Variants in COG5 observed in about 807,000 individuals in gnomAD.
COG5 encodes conserved oligomeric Golgi complex subunit 5.
In COG5, 86 loss-of-function variants were observed where a neutral mutation model predicts 110.4. That is an observed-to-expected ratio of 0.78 (90% CI 0.65 to 0.93). COG5 has a LOEUF of 0.93. COG5 is among the 40% of genes least tolerant of loss of function. The probability of loss-of-function intolerance (pLI) is 0.00; values close to 1 mark genes in which losing one functional copy is unlikely to be tolerated. For synonymous variants in COG5, 360 were observed against 334.6 expected, an observed-to-expected ratio of 1.08 and a Z score of -0.83; for missense variants, 1,077 against 987.0, an observed-to-expected ratio of 1.09 and a Z score of -1.22.
At chr7:107,247,335 T>G (rs988182564) in intron 17 of COG5, among the ~76,000 whole-genome samples, 1 of 152,186 alleles carries the variant, frequency 6.6e-6, no homozygotes, top group Admixed American at 6.5e-5. Flanking sequence ...TGTTTACCTA[T>G]GTAACAACCC....
chr7:107,389,188 T>A (rs1790439528), intron 7 of COG5, among the ~76,000 whole-genome samples: 1 of 152,114 alleles, frequency 6.6e-6, no homozygotes, highest in Admixed American at 6.5e-5. Flanking sequence ...CGTGACTGCT[T>A]GGCTAGGAGG....
intron 6 of COG5, among the ~76,000 whole-genome samples, chr7:107,523,305 G>T (rs896283398): frequency 2.6e-5 from 4 of 151,332 alleles, no homozygotes; most frequent in Non-Finnish European, 5.9e-5. Flanking sequence ...ATTTCCAATT[G>T]CTTGTTGCTA....
At chr7:107,386,900 A>T (rs1181731389) in intron 7 of COG5, among the ~76,000 whole-genome samples, 3 of 152,062 alleles carry the variant, frequency 2.0e-5, no homozygotes, top group Non-Finnish European at 4.4e-5. Context: ...AAGGAGGAGG[A>T]AAGTCACCTG....
chr7:107,228,812 G>A (rs1453459936), intron 19 of COG5, among the ~76,000 whole-genome samples: 2 of 150,734 alleles, frequency 1.3e-5, no homozygotes, highest in Non-Finnish European at 2.9e-5. Context: ...TTACAAACAG[G>A]CGAGGTAAAA....
At chr7:107,481,220 A>C (rs1797321710) in intron 6 of COG5, among the ~76,000 whole-genome samples, 1 of 152,158 alleles carries the variant, frequency 6.6e-6, no homozygotes, top group Non-Finnish European at 1.5e-5. Flanking sequence ...CAGAGGTATT[A>C]AGCAAGGCAG....
chr7:107,206,168 G>A lies in COG5; in HGVS notation c.2376-2538C>T, dbSNP rs1584519235. On this transcript the variant is annotated intron_variant, in intron 21 of 21. Coordinates refer to ENST00000297135, the MANE Select transcript of COG5 (RefSeq NM_006348.5). Reference sequence around the variant, plus strand: ...AGTAGAGACGGGGTTTCACCGTGTTGGCCAGGATGGTCTCGATCTCTTGAC... The same window carrying A: ...AGTAGAGACGGGGTTTCACCGTGTTAGCCAGGATGGTCTCGATCTCTTGAC... 5.9e-5 allele frequency among the ~76,000 whole-genome samples: 9 copies of A among 152,162 alleles called. No individual in the cohort carries two copies. In the South Asian group the frequency reaches 1.9e-3, roughly 32 times the overall value.
At chr7:107,508,021 G>A (rs1799160283) in intron 6 of COG5, among the ~76,000 whole-genome samples, 1 of 152,112 alleles carries the variant, frequency 6.6e-6, no homozygotes, top group Non-Finnish European at 1.5e-5. Flanking sequence ...GAGAGTGCCA[G>A]ACAGTGGGTG....
chr7:107,235,019 T>C (rs1320730944), intron 18 of COG5, among the ~76,000 whole-genome samples: 2 of 152,352 alleles, frequency 1.3e-5, no homozygotes, highest in Non-Finnish European at 2.9e-5. Context: ...CTGTGGCTAC[T>C]ACAAGCATAT....
rs551416599 is a variant in COG5 at position 107,376,318 on chromosome 7, A to G, written c.670-3558T>C. ...GCTTGACAAATGTCCTTTTTTTAAA[A>G]AAGTTTTCAGGTATTGTTTGAGATT... On this transcript the variant is annotated intron_variant, in intron 7 of 21. Coordinates refer to ENST00000297135, the MANE Select transcript of COG5 (RefSeq NM_006348.5). Among the ~76,000 whole-genome samples, 60 of 152,092 alleles carry G rather than the reference A, an allele frequency of 3.9e-4. 1 individual carries two copies. The South Asian group carries it at 0.011, about 28-fold the overall frequency.
chr7:107,437,397 T>C (rs535583734), intron 6 of COG5, among the ~76,000 whole-genome samples: 3 of 152,302 alleles, frequency 2.0e-5, no homozygotes, highest in African/African-American at 4.8e-5. Context: ...GGTTTAGGCA[T>C]CTTAGGTTAA....
intron 17 of COG5, among the ~76,000 whole-genome samples, 158 bp downstream of exon 17, chr7:107,248,238 G>A (rs1456336647): frequency 6.6e-6 from 1 of 151,872 alleles, no homozygotes; most frequent in Non-Finnish European, 1.5e-5. Flanking sequence ...TCTGTGAATG[G>A]CGCTCACAAT....
chr7:107,331,133 C>A (rs1042219312), intron 10 of COG5, among the ~76,000 whole-genome samples: 3 of 151,960 alleles, frequency 2.0e-5, no homozygotes, highest in African/African-American at 7.2e-5. Flanking sequence ...AATAGTGAAC[C>A]GCTTGAGAGT....
At chr7:107,545,744 C>T (rs1270305492) in intron 5 of COG5, among the ~76,000 whole-genome samples, 4 of 133,620 alleles carry the variant, frequency 3.0e-5, no homozygotes, top group Non-Finnish European at 6.1e-5. Context: ...CAGGCCATTG[C>T]ACTCCACCCT....
chr7:107,377,949 T>C (rs568394702), intron 7 of COG5, among the ~76,000 whole-genome samples: 1 of 152,284 alleles, frequency 6.6e-6, no homozygotes, highest in East Asian at 1.9e-4. Context: ...TCAAGTAGGT[T>C]CCTGACCACA....
chr7:107,434,913 T>C (rs541605361), intron 6 of COG5, among the ~76,000 whole-genome samples: 10 of 150,752 alleles, frequency 6.6e-5, no homozygotes, highest in Admixed American at 2.0e-4. Context: ...GAGATTGCAG[T>C]GAGCTGAGAT....
intron 6 of COG5, among the ~76,000 whole-genome samples, chr7:107,441,255 CAAAAAAAAA>C (rs551026030): frequency 1.4e-5 from 1 of 71,330 alleles, no homozygotes; most frequent in Non-Finnish European, 2.6e-5. Context: ...GACTCCGTCT[CAAAAAAAAA>C]AAAAAAAAAA....
At chr7:107,400,971 GA>G (rs1450724363) in intron 7 of COG5, among the ~76,000 whole-genome samples, 1 of 152,108 alleles carries the variant, frequency 6.6e-6, no homozygotes, top group African/African-American at 2.4e-5. Context: ...AAGAAAAGAT[GA>G]AAGTATCTGC....
chr7:107,501,305 C>T (rs930023156), intron 6 of COG5, among the ~76,000 whole-genome samples: 3 of 151,872 alleles, frequency 2.0e-5, no homozygotes, highest in Non-Finnish European at 4.4e-5. Flanking sequence ...AAGAAAATCC[C>T]TTAGAACCAA....
At position 107,548,124 on chromosome 7, in the gene COG5, A is replaced by G; in HGVS notation, c.404T>C (p.Leu135Pro). 6.2e-7 allele frequency: 1 copy of G among 1,613,526 alleles called. No individual in the cohort carries two copies. Among genetic ancestry groups the G allele is most frequent in the Non-Finnish European group, 8.5e-7 (1 of 1,179,542 alleles). Residue 135 changes from leucine to proline, a missense_variant, in exon 5 of 22, where the codon CTA (leucine) becomes CCA (proline). By Grantham distance (98) the Leu-to-Pro change is moderately conservative. Coordinates refer to ENST00000297135, the MANE Select transcript of COG5 (RefSeq NM_006348.5). ...YNKIVARTAQ[L>P]ARLQVACDLL... ...GTAAGAAACTACCTGAAGTCTTGCT[A>G]GTTGTGCAGTCCGGGCAACTATCTT...
Sources: allele counts gnomAD v4.1 joint callset (sites outside exome capture counted in the v4.1 genomes callset), GRCh38; gene constraint gnomAD v4.1.1; transcripts MANE v1.5; gene names NCBI Gene and HGNC (gene_info 2026-07-23, HGNC 2026-07-21).